Variants in BRWD1 observed in about 807,000 individuals in gnomAD.
BRWD1 encodes bromodomain and WD repeat-containing protein 1.
In BRWD1, 82 loss-of-function variants were observed where a neutral mutation model predicts 251.2. The ratio of observed to expected loss-of-function variants is 0.33; its 90% CI spans 0.27 to 0.39. The LOEUF is 0.39. BRWD1 is among the 10% of genes least tolerant of loss of function. The pLI is 1.00. For synonymous variants in BRWD1, 918 were observed against 902.8 expected (o/e 1.02, Z -0.30); for missense variants, 2,233 against 2,711.6 (o/e 0.82, Z 3.92).
chr21:39,253,286 C>CAAAAAA (rs57456792), intron 19 of BRWD1, among the ~76,000 whole-genome samples: 6 of 83,822 alleles, frequency 7.2e-5, no homozygotes, highest in Admixed American at 1.5e-4. Context: ...GAAACTGTCT[C>CAAAAAA]AAAAAAAAAA....
chr21:39,316,184 C>T (rs1271781138), upstream of BRWD1, among the ~76,000 whole-genome samples: 1 of 152,050 alleles, frequency 6.6e-6, no homozygotes, highest in Non-Finnish European at 1.5e-5. Flanking sequence ...TGCATGAGGG[C>T]GTTGGTCATA....
chr21:39,244,450 T>C (rs1052107818), intron 21 of BRWD1, among the ~76,000 whole-genome samples: 1 of 152,166 alleles, frequency 6.6e-6, no homozygotes, highest in Admixed American at 6.5e-5. Flanking sequence ...AAAGAGATTA[T>C]AAGAGTGCCT....
At chr21:39,241,559 A>T (rs1472094605) in intron 21 of BRWD1, among the ~76,000 whole-genome samples, 1 of 150,444 alleles carries the variant, frequency 6.6e-6, no homozygotes, top group Admixed American at 6.7e-5. Flanking sequence ...GTTTCTCTGT[A>T]CAGAAGGGAA....
At position 39,199,172 on chromosome 21, in the gene BRWD1, T is replaced by A. The variant is rs2031979367; in HGVS notation, c.5244A>T (p.Thr1748=). Residue 1748 remains threonine, a synonymous_variant, in exon 40 of 41, where the codon ACA becomes ACT. Coordinates refer to ENST00000342449, the MANE Select transcript of BRWD1 (RefSeq NM_033656.4). ...YKSHTPAPSK[T]KFLKIESSEE... ...CAGAAGACTCTATTTTAAGAAATTT[T>A]GTCTTTGAAGGTGCTGGAGTATGGG... The A allele has an allele frequency of 6.2e-7, 1 of 1,614,060 alleles. No individual in the cohort carries two copies. The highest frequency in any genetic ancestry group is 1.7e-5 in the Admixed American group (1 of 59,996).
intron 8 of BRWD1, among the ~76,000 whole-genome samples, chr21:39,287,943 C>A (rs73359562): frequency 0.018 from 2,786 of 152,176 alleles, 80 homozygotes; most frequent in African/African-American, 0.064. Flanking sequence ...CTGCACTGGA[C>A]AACAATAAAT....
chr21:39,312,942 CGCGGGGGGG>C (rs2036546159), intron 3 of BRWD1, 42 bp from the exon 4 acceptor site: 2 of 923,350 alleles, frequency 2.2e-6, no homozygotes, highest in Non-Finnish European at 2.6e-6. Context: ...ACCCCTCCGG[CGCGGGGGGG>C]GCGGGGGGCG....
chr21:39,265,135 AAG>A, intron 15 of BRWD1, 116 bp from the exon 16 acceptor site: 1 of 1,174,578 alleles, frequency 8.5e-7, no homozygotes, highest in Non-Finnish European at 1.2e-6. Context: ...AAAAAAAAAA[AAG>A]TTTCAGCCAG....
At chr21:39,259,968 TG>T (rs2034687318) in intron 17 of BRWD1, among the ~76,000 whole-genome samples, 1 of 152,210 alleles carries the variant, frequency 6.6e-6, no homozygotes, top group Admixed American at 6.5e-5. Flanking sequence ...TATTATGGGA[TG>T]GGCAAGGGAG....
Position 39,188,935 on chromosome 21 carries a change from T to A in BRWD1, c.*7324A>T. ...TAAGACACTCATCACGGCATTACTC[T>A]CATGCAGCATGCCCTTACCTCCTTC... On this transcript the variant is annotated 3_prime_UTR_variant, in exon 41 of 41. Coordinates refer to ENST00000342449, the MANE Select transcript of BRWD1 (RefSeq NM_033656.4). 1.0e-5 allele frequency: 10 copies of A among 985,374 alleles called. No homozygotes were observed. The highest frequency in any genetic ancestry group is 1.2e-5 in the Non-Finnish European group (10 of 829,908). The allele number at this position is 985,374 out of a possible 1,614,324, so 61.0% of individuals were successfully genotyped here.
intron 33 of BRWD1, among the ~76,000 whole-genome samples, chr21:39,213,027 C>T (rs969044178): frequency 2.4e-4 from 36 of 152,182 alleles, no homozygotes; most frequent in Non-Finnish European, 2.9e-5. Context: ...TCCCCAGAAA[C>T]ATACAGATTC....
At position 39,210,897 on chromosome 21, in the gene BRWD1, C is replaced by T. The variant is rs75046572; in HGVS notation, c.3933G>A (p.Thr1311=). The T allele has an allele frequency of 0.038, 61,690 of 1,610,728 alleles. 1,385 individuals carry two copies. The highest frequency in any genetic ancestry group is 0.049 in the Admixed American group (2,886 of 58,994). The change falls in exon 35 of 41, where the codon ACG becomes ACA. Residue 1311 remains threonine, a synonymous_variant. Transcript: ENST00000342449. ...TCTTCCAGTTGCTTTCAACATAGTT[C>T]GTAGCTCTGATGCTTTTTTTCCCAT... ...VHDGKKSIRA[T]NYVESNWKKQ...
At chr21:39,266,262 T>C (rs78118792) in intron 15 of BRWD1, among the ~76,000 whole-genome samples, 4 of 122,948 alleles carry the variant, frequency 3.3e-5, no homozygotes, top group Non-Finnish European at 6.7e-5. Flanking sequence ...TGCATATTAA[T>C]TCATATTCTC....
At chr21:39,233,932 A>G (rs559258084) in intron 23 of BRWD1, among the ~76,000 whole-genome samples, 35 of 152,282 alleles carry the variant, frequency 2.3e-4, no homozygotes, top group African/African-American at 7.7e-4. Flanking sequence ...AGGCAGAAGA[A>G]CTGCTTGAAC....
intron 36 of BRWD1, 143 bp downstream of exon 36, chr21:39,209,852 A>G: frequency 1.3e-6 from 1 of 788,644 alleles, no homozygotes; most frequent in Non-Finnish European, 1.8e-6. Flanking sequence ...TTTCTTTATA[A>G]TAGTCTTAAT....
chr21:39,311,191 T>C (rs2036471617), intron 4 of BRWD1, among the ~76,000 whole-genome samples: 1 of 151,790 alleles, frequency 6.6e-6, no homozygotes, highest in Admixed American at 6.6e-5. Flanking sequence ...AAAAAGAAAC[T>C]AGGCCTTGCT....
chr21:39,282,032 G>A (rs114399588), intron 8 of BRWD1, among the ~76,000 whole-genome samples: 37,770 of 151,080 alleles, frequency 0.25, 5,747 homozygotes, highest in Non-Finnish European at 0.35. Flanking sequence ...CTATGTATAA[G>A]TATATGTATG....
At chr21:39,261,649 G>A (rs1340591255) in intron 17 of BRWD1, among the ~76,000 whole-genome samples, 1 of 151,918 alleles carries the variant, frequency 6.6e-6, no homozygotes, top group African/African-American at 2.4e-5. Context: ...CTATGGGTCT[G>A]CAAACCACAC....
chr21:39,296,750 T>C (rs2035972087), intron 5 of BRWD1: 1 of 922,166 alleles, frequency 1.1e-6, no homozygotes, highest in Non-Finnish European at 1.3e-6. Context: ...AGATGGACCA[T>C]AAAACCAGAT....
chr21:39,192,417 T>G lies in BRWD1; in HGVS notation c.*3842A>C. 4.1e-6 allele frequency: 4 copies of G among 985,292 alleles called. No individual in the cohort carries two copies. Among genetic ancestry groups the G allele is most frequent in the Non-Finnish European group, 4.8e-6 (4 of 829,822 alleles). The allele number at this position is 985,292 out of a possible 1,614,324, so 61.0% of individuals were successfully genotyped here. A position where few individuals can be genotyped will look rare whatever the true frequency, so the allele number is the denominator to read the frequency against. ...ACTAGGATAAGAGACAGTCTCAAAC[T>G]GTTAAGTTGCAAATTTCTTGGGGTT... On this transcript the variant is annotated 3_prime_UTR_variant, in exon 41 of 41. Coordinates refer to ENST00000342449, the MANE Select transcript of BRWD1 (RefSeq NM_033656.4).
Sources: gnomAD v4.1 joint callset for allele counts (sites outside exome capture counted in the v4.1 genomes callset) on GRCh38, gnomAD v4.1.1 for gene constraint, MANE v1.5 for transcripts, NCBI Gene and HGNC (gene_info 2026-07-23, HGNC 2026-07-21) for gene names.